PICALM: variants seen among roughly 807,000 people sequenced by gnomAD.
PICALM encodes phosphatidylinositol binding clathrin assembly protein.
A neutral mutation model predicts 80.5 loss-of-function variants in PICALM; 40 were observed. The ratio of observed to expected loss-of-function variants is 0.50; its 90% CI spans 0.39 to 0.65. The LOEUF (loss-of-function observed/expected upper bound fraction) is 0.65. PICALM is among the 30% of genes least tolerant of loss of function. PICALM has a pLI of 0.00. For missense variants in PICALM, 676 were observed against 778.9 expected (o/e 0.87, Z 1.57); for synonymous variants, 288 against 260.3 (o/e 1.11, Z -1.02).
chr11:86,013,639 T>C (rs754728907), intron 5 of PICALM, among the ~76,000 whole-genome samples: 1 of 152,060 alleles, frequency 6.6e-6, no homozygotes, highest in Non-Finnish European at 1.5e-5. Context: ...AATACAGACA[T>C]TGAAAAGAAT....
chr11:85,986,365 A>ATTTTTTTT lies in PICALM; in HGVS notation c.1409-2400_1409-2393dup, dbSNP rs775072780. ...AAACTATCAGGACTGCCAACTTTTAATTTTTTTTTTTTTTTTTTTTTTTTT... is the reference window on the plus strand; with the variant it reads ...AAACTATCAGGACTGCCAACTTTTAATTTTTTTTTTTTTTTTTTTTTTTTTTTTTTTTT... On this transcript the variant is annotated intron_variant, in intron 13 of 19. Transcript: ENST00000393346. Among the ~76,000 whole-genome samples the ATTTTTTTT allele has an allele frequency of 3.6e-3, 268 of 73,740 alleles. 54 individuals are homozygous for ATTTTTTTT. The highest frequency in any genetic ancestry group is 0.026 in the East Asian group (47 of 1,794). 48.4% of individuals were successfully genotyped at this position (73,740 alleles called of 152,430 possible).
In PICALM at chr11:86,026,221, G is replaced by T. The variant is rs1426331512; in HGVS notation, c.349+71C>A. ...AGTAGCACATGTTCTAAAAGACAGA[G>T]TTCTACTCTGGAGTAATCATCATGT... On this transcript the variant is annotated intron_variant, in intron 3 of 19. Coordinates refer to ENST00000393346, the MANE Select transcript of PICALM (RefSeq NM_007166.4). 5 of 827,142 alleles carry T rather than the reference G, an allele frequency of 6.0e-6. No individual in the cohort carries two copies. In the East Asian group the frequency reaches 1.0e-4, roughly 17 times the overall value. 51.2% of individuals were successfully genotyped at this position (827,142 alleles called of 1,614,324 possible). A position where few individuals can be genotyped will look rare whatever the true frequency, so the allele number is the denominator to read the frequency against.
chr11:86,062,744 ACTAT>A (rs1198936477), intron 1 of PICALM, among the ~76,000 whole-genome samples: 12 of 152,336 alleles, frequency 7.9e-5, no homozygotes, highest in Middle Eastern at 3.4e-3. Flanking sequence ...CTTTTAAAGA[ACTAT>A]CTAACTGCCC....
chr11:86,022,380 T>G lies in PICALM; in HGVS notation c.439A>C (p.Lys147Gln). The G allele has an allele frequency of 1.3e-6, 2 of 1,573,154 alleles. No homozygotes were observed. The highest frequency in any genetic ancestry group is 1.7e-6 in the Non-Finnish European group (2 of 1,157,616). Reference protein sequence around the residue: ...SYRQVAFDFTKVKRGADGVMR... With the variant: ...SYRQVAFDFTQVKRGADGVMR... ...AGCTTAACTCACCCTCTCTTCACTT[T>G]TGTGAAATCAAATGCAACTTGTCTG... The change falls in exon 4 of 20, where the codon AAA becomes CAA. Residue 147 changes from lysine (K) to glutamine (Q), a missense_variant. Lys to Gln is a moderately conservative substitution (Grantham distance 53, BLOSUM62 1). Coordinates refer to ENST00000393346, the MANE Select transcript of PICALM (RefSeq NM_007166.4).
chr11:85,997,753 G>A (rs1173570534), intron 11 of PICALM, among the ~76,000 whole-genome samples: 2 of 152,192 alleles, frequency 1.3e-5, no homozygotes, highest in African/African-American at 2.4e-5. Flanking sequence ...TTACAGGCGT[G>A]AGCCACTGTG....
At chr11:86,053,200 TA>T (rs2096218143) in intron 1 of PICALM, among the ~76,000 whole-genome samples, 1 of 152,230 alleles carries the variant, frequency 6.6e-6, no homozygotes. Context: ...GCTGCTTCCA[TA>T]AGCAGGGAAC....
At chr11:85,992,113 G>C (rs771552590) in intron 12 of PICALM, among the ~76,000 whole-genome samples, 1 of 152,110 alleles carries the variant, frequency 6.6e-6, no homozygotes, top group Non-Finnish European at 1.5e-5. Context: ...CTCCCAAAGT[G>C]CTGGGATTAC....
intron 1 of PICALM, among the ~76,000 whole-genome samples, chr11:86,051,786 T>C (rs887609907): frequency 3.3e-5 from 5 of 152,250 alleles, no homozygotes; most frequent in African/African-American, 1.2e-4. Flanking sequence ...AAGTTTTCTG[T>C]GAGCTAAGAA....
intron 19 of PICALM, among the ~76,000 whole-genome samples, chr11:85,964,016 C>T (rs2135349755): frequency 6.8e-6 from 1 of 147,534 alleles, no homozygotes; most frequent in East Asian, 2.0e-4. Flanking sequence ...ACACACCTAG[C>T]TTAAAGAAGG....
chr11:85,988,549 A>G (rs1454706233), intron 13 of PICALM, among the ~76,000 whole-genome samples: 1 of 152,198 alleles, frequency 6.6e-6, no homozygotes, highest in Non-Finnish European at 1.5e-5. Context: ...AAGTGACACA[A>G]AAAATTCTGA....
intron 1 of PICALM, among the ~76,000 whole-genome samples, chr11:86,046,955 T>C (rs893648243): frequency 6.6e-6 from 1 of 152,216 alleles, no homozygotes; most frequent in African/African-American, 2.4e-5. Context: ...CTTTATACAT[T>C]ACAAAATTCT....
chr11:85,967,784 A>G (rs1377102822), intron 19 of PICALM, among the ~76,000 whole-genome samples: 1 of 152,238 alleles, frequency 6.6e-6, no homozygotes, highest in Admixed American at 6.5e-5. Context: ...TAAATACAAG[A>G]AAGTACTTTA....
rs7931387 is a variant in PICALM at position 85,986,551 on chromosome 11, C to T, written c.1409-2578G>A. Among the ~76,000 whole-genome samples the T allele has an allele frequency of 9.3e-3, 1,398 of 150,924 alleles. 21 individuals are homozygous for T. The highest frequency in any genetic ancestry group is 0.031 in the African/African-American group (1,287 of 41,118). On this transcript the variant is annotated intron_variant, in intron 13 of 19. Transcript: ENST00000393346. The stretch of plus-strand genomic sequence containing the variant: ...GACTACAGGCGCCCGCCACCGCGCC[C>T]GGCTAATTTTTTGTATTTTTAGTAG...
intron 1 of PICALM, among the ~76,000 whole-genome samples, chr11:86,061,330 CAAAAAA>C (rs58836221): frequency 7.4e-5 from 6 of 81,148 alleles, no homozygotes; most frequent in Non-Finnish European, 1.2e-4. Context: ...GACTCCATCT[CAAAAAA>C]AAAAAAAAAA....
At chr11:86,033,689 T>C (rs2095797770) in intron 1 of PICALM, among the ~76,000 whole-genome samples, 2 of 152,214 alleles carry the variant, frequency 1.3e-5, no homozygotes, top group South Asian at 2.1e-4. Flanking sequence ...GTTTAATGTC[T>C]TTCTCTCTCA....
Position 86,061,330 on chromosome 11 carries a change from CAAAAAAAAAAAAAAAA to C in PICALM, c.130+7305_130+7320del, listed in dbSNP as rs58836221. On this transcript the variant is annotated intron_variant, in intron 1 of 19. Coordinates refer to ENST00000393346, the MANE Select transcript of PICALM (RefSeq NM_007166.4). Reference sequence around the variant, plus strand: ...CGGGAGACAGAGCAAGACTCCATCTCAAAAAAAAAAAAAAAAAAAAAAAAAGAAAAGAAAAGACACA... The same window carrying C: ...CGGGAGACAGAGCAAGACTCCATCTCAAAAAAAAAGAAAAGAAAAGACACA... Among the ~76,000 whole-genome samples, 72 of 81,156 alleles carry C rather than the reference CAAAAAAAAAAAAAAAA, an allele frequency of 8.9e-4. 1 individual carries two copies. The highest frequency in any genetic ancestry group is 3.3e-3 in the African/African-American group (71 of 21,336). The allele number at this position is 81,156 out of a possible 152,430, so 53.2% of individuals were successfully genotyped here. A position where few individuals can be genotyped will look rare whatever the true frequency, so the allele number is the denominator to read the frequency against.
intron 5 of PICALM, among the ~76,000 whole-genome samples, chr11:86,013,820 G>A (rs953123125): frequency 6.6e-6 from 1 of 152,102 alleles, no homozygotes; most frequent in Non-Finnish European, 1.5e-5. Context: ...ATTTTAGACT[G>A]TGGGCCACAC....
At chr11:85,995,756 A>G (rs1049778560) in intron 12 of PICALM, among the ~76,000 whole-genome samples, 1 of 152,198 alleles carries the variant, frequency 6.6e-6, no homozygotes, top group African/African-American at 2.4e-5. Flanking sequence ...TTAAGAATCC[A>G]AAAATCAGAA....
intron 12 of PICALM, 139 bp from the exon 13 acceptor site, chr11:85,990,538 C>CA: frequency 2.4e-6 from 1 of 415,346 alleles, no homozygotes; most frequent in Non-Finnish European, 4.2e-6. Context: ...TTATCAAAAA[C>CA]AAAAAATACC....
Sources: gnomAD v4.1 joint callset for allele counts (sites outside exome capture counted in the v4.1 genomes callset) on GRCh38, gnomAD v4.1.1 for gene constraint, MANE v1.5 for transcripts, NCBI Gene and HGNC (gene_info 2026-07-23, HGNC 2026-07-21) for gene names.